Variants in ESYT2 observed in about 807,000 individuals in gnomAD.
The protein encoded by ESYT2 is extended synaptotagmin 2.
Under a neutral mutation model 107.2 loss-of-function variants are expected in ESYT2, and 54 were observed. That is an observed-to-expected ratio of 0.50 (90% CI 0.40 to 0.63). The LOEUF (loss-of-function observed/expected upper bound fraction) is 0.63, where lower values mean the gene tolerates loss of function less well. ESYT2 is among the 30% of genes least tolerant of loss of function. The pLI is 0.00. For missense variants in ESYT2, 1,020 were observed against 1,094.5 expected (o/e 0.93, Z 0.96); for synonymous variants, 491 against 434.1 (o/e 1.13, Z -1.63).
rs1584897428 is a variant in ESYT2, at chr7:158,829,150, A to T, written c.269T>A (p.Leu90Gln). The change falls in exon 1 of 23, where the codon CTG (leucine) becomes CAG (glutamine). Residue 90 changes from leucine (L) to glutamine (Q), a missense_variant. Coordinates refer to ENST00000275418, the MANE Select transcript of ESYT2 (RefSeq NM_001367773.1). ...KALRLCRALA[L>Q]LEDEERVVRL... is the part of the protein sequence containing the mutation. ...CACGACGCGCTCCTCGTCTTCCAGC[A>T]GCGCCAGCGCGCGGCACAGGCGCAG... The T allele has an allele frequency of 6.4e-7, 1 of 1,561,722 alleles. No homozygotes were observed. The highest frequency in any genetic ancestry group is 2.4e-5 in the East Asian group (1 of 42,324).
At chr7:158,803,418 G>A (rs1422309038) in intron 1 of ESYT2, among the ~76,000 whole-genome samples, 5 of 151,776 alleles carry the variant, frequency 3.3e-5, no homozygotes, top group African/African-American at 7.2e-5. Context: ...AATAGAAATC[G>A]GAAACTCTGG....
At chr7:158,819,722 GA>G (rs1213278161) in intron 1 of ESYT2, among the ~76,000 whole-genome samples, 1 of 151,656 alleles carries the variant, frequency 6.6e-6, no homozygotes, top group Non-Finnish European at 1.5e-5. Flanking sequence ...CTTTAAATCA[GA>G]AAAAAATGTT....
At chr7:158,799,154 A>C in intron 1 of ESYT2, 82 bp from the exon 2 acceptor site, 200 of 1,226,816 alleles carry the variant, frequency 1.6e-4, no homozygotes, top group Non-Finnish European at 2.3e-4. Context: ...TCATATTCTC[A>C]TCATACGTCC....
chr7:158,828,482 G>T (rs374720867), intron 1 of ESYT2, among the ~76,000 whole-genome samples: 2 of 152,212 alleles, frequency 1.3e-5, no homozygotes, highest in African/African-American at 4.8e-5. Context: ...CGCCAAGCCC[G>T]GTACCTGCCG....
At chr7:158,788,156 A>G in intron 5 of ESYT2, 63 bp from the exon 6 acceptor site, 2 of 1,401,564 alleles carry the variant, frequency 1.4e-6, no homozygotes, top group East Asian at 4.6e-5. Flanking sequence ...GCTTAACGCA[A>G]GGAGTTTGCA....
intron 7 of ESYT2, among the ~76,000 whole-genome samples, chr7:158,770,313 A>G (rs1350243744): frequency 1.2e-5 from 1 of 81,162 alleles, no homozygotes. Flanking sequence ...TTTAGTACAT[A>G]ACATTTATGT....
In ESYT2 at chr7:158,767,675, C is replaced by G. The variant is rs765919866; in HGVS notation, c.903G>C (p.Gln301His). The G allele has an allele frequency of 9.3e-6, 15 of 1,612,340 alleles. No individual in the cohort carries two copies. In the Admixed American group the frequency reaches 2.5e-4, roughly 27 times the overall value. The change falls in exon 8 of 23, where the codon CAG (glutamine) becomes CAC (histidine). Residue 301 changes from glutamine (Q) to histidine (H), a missense_variant. Transcript: ENST00000275418. ...TTACCTTTGGTACAGGAAACCGCAA[C>G]TGAGCTATTTGAACTTCACTGACAA... is the stretch of plus-strand genomic sequence containing the variant. ...VPLVSEVQIA[Q>H]LRFPVPKGVL... is the part of the protein sequence containing the mutation.
Position 158,732,282 on chromosome 7 carries a change from C to T in ESYT2, c.*1925G>A, listed in dbSNP as rs1028637028. 6 of 152,134 alleles carry T rather than the reference C, an allele frequency of 3.9e-5. No homozygotes were observed. Among genetic ancestry groups the T allele is most frequent in the Admixed American group, 3.3e-4 (5 of 15,270 alleles). The allele number at this position is 152,134 out of a possible 1,614,324, so 9.4% of individuals were successfully genotyped here. ...GATTTTTAAAAAACCCTCAACAAAT[C>T]TAATACTAAGGGAAAGCAACTAGAT... On this transcript the variant is annotated 3_prime_UTR_variant, in exon 23 of 23. Transcript: ENST00000275418.
chr7:158,753,904 A>G (rs1396069803), intron 13 of ESYT2, among the ~76,000 whole-genome samples: 2 of 151,950 alleles, frequency 1.3e-5, no homozygotes, highest in African/African-American at 2.4e-5. Context: ...TATCCTACAA[A>G]CCCTTCCTGA....
chr7:158,765,881 T>C (rs1234767365), intron 8 of ESYT2, among the ~76,000 whole-genome samples: 2 of 152,192 alleles, frequency 1.3e-5, no homozygotes, highest in Non-Finnish European at 2.9e-5. Flanking sequence ...GGAAGCATTC[T>C]GCCCCCACAC....
At chr7:158,822,200 C>T (rs561783657) in intron 1 of ESYT2, among the ~76,000 whole-genome samples, 3 of 152,120 alleles carry the variant, frequency 2.0e-5, no homozygotes, top group South Asian at 2.1e-4. Flanking sequence ...ATGCAAGAGA[C>T]GACAAAAGAC....
chr7:158,810,000 TA>T, intron 1 of ESYT2, among the ~76,000 whole-genome samples: 1 of 152,384 alleles, frequency 6.6e-6, no homozygotes, highest in Admixed American at 6.5e-5. Flanking sequence ...ACGTTAAACT[TA>T]ATTTGTCTGA....
chr7:158,749,575 C>G (rs1307415032), intron 15 of ESYT2, 74 bp downstream of exon 15: 1 of 1,425,268 alleles, frequency 7.0e-7, no homozygotes, highest in African/African-American at 1.4e-5. Context: ...AACCCGGCAT[C>G]CCCAGGTGAG....
intron 19 of ESYT2, among the ~76,000 whole-genome samples, chr7:158,738,243 C>T (rs563052043): frequency 2.7e-5 from 4 of 149,526 alleles, no homozygotes; most frequent in African/African-American, 7.4e-5. Flanking sequence ...ACCCAAGAAG[C>T]GGAAGTTGCA....
At chr7:158,786,082 A>G (rs935307406) in intron 6 of ESYT2, among the ~76,000 whole-genome samples, 2 of 152,196 alleles carry the variant, frequency 1.3e-5, no homozygotes, top group Non-Finnish European at 2.9e-5. Flanking sequence ...TACTCACCAT[A>G]TAAGGAAATG....
intron 1 of ESYT2, among the ~76,000 whole-genome samples, chr7:158,806,973 A>C (rs1563033543): frequency 6.6e-6 from 1 of 152,158 alleles, no homozygotes; most frequent in Non-Finnish European, 1.5e-5. Context: ...TACTACTTAA[A>C]TGAATCCAGC....
Position 158,799,049 on chromosome 7 carries a change from T to G in ESYT2, c.354A>C (p.Arg118Ser), listed in dbSNP as rs1448562347. 6.2e-7 allele frequency: 1 copy of G among 1,613,628 alleles called. No homozygotes were observed. Among genetic ancestry groups the G allele is most frequent in the African/African-American group, 1.3e-5 (1 of 74,936 alleles). The change falls in exon 2 of 23, where the codon AGA (arginine) becomes AGC (serine). Residue 118 changes from arginine (R) to serine (S), a missense_variant. Transcript: ENST00000275418. ...ATCTTACCTTATTTAGCCATTCTGC[T>G]CTTTCAGTGTCTGGAAAATGAACCT... ...PAWVHFPDTE[R>S]AEWLNKTVKH...
intron 7 of ESYT2, among the ~76,000 whole-genome samples, chr7:158,768,196 C>A (rs1178046259): frequency 6.6e-6 from 1 of 152,104 alleles, no homozygotes; most frequent in Non-Finnish European, 1.5e-5. Context: ...TTCAAACATA[C>A]ATATAAGTAC....
At chr7:158,820,680 G>A (rs1013855499) in intron 1 of ESYT2, among the ~76,000 whole-genome samples, 1 of 152,208 alleles carries the variant, frequency 6.6e-6, no homozygotes, top group African/African-American at 2.4e-5. Context: ...AAGCTACTGG[G>A]GAGGCTGAGG....
Sources: gnomAD v4.1 joint callset for allele counts (sites outside exome capture counted in the v4.1 genomes callset) on GRCh38, gnomAD v4.1.1 for gene constraint, MANE v1.5 for transcripts, NCBI Gene and HGNC (gene_info 2026-07-23, HGNC 2026-07-21) for gene names.